Variants in RUNX1T1 observed in about 807,000 individuals in gnomAD.
RUNX1T1 encodes the protein protein CBFA2T1.
A neutral mutation model predicts 62.8 loss-of-function variants in RUNX1T1; 4 were observed. That is an observed-to-expected ratio of 0.06 (90% CI 0.03 to 0.15). The LOEUF is 0.15. RUNX1T1 is among the 10% of genes least tolerant of loss of function. The probability of loss-of-function intolerance (pLI) is 1.00; values close to 1 mark genes in which losing one functional copy is unlikely to be tolerated. For synonymous variants in RUNX1T1, 291 were observed against 286.0 expected (o/e 1.02, Z -0.18); for missense variants, 508 against 754.3 (o/e 0.67, Z 3.82).
intron 1 of RUNX1T1, among the ~76,000 whole-genome samples, chr8:92,096,433 C>T (rs910721658): frequency 1.3e-5 from 2 of 152,192 alleles, no homozygotes; most frequent in African/African-American, 2.4e-5. Context: ...CATCCCCCTC[C>T]CCAGCAGGGT....
intron 1 of RUNX1T1, among the ~76,000 whole-genome samples, chr8:92,039,469 G>T (rs370681381): frequency 6.6e-6 from 1 of 152,046 alleles, no homozygotes; most frequent in African/African-American, 2.4e-5. Flanking sequence ...TGGTGCCCTG[G>T]TATTCCCATA....
In RUNX1T1 at chr8:91,991,586, C is replaced by T. The variant is rs868449270; in HGVS notation, c.910+53G>A. ...CAAGTTAAGTTCAGAAATAATGGTG[C>T]AAGTCTTCAAGCACCCAATCCCGTA... is the stretch of plus-strand genomic sequence containing the variant. On this transcript the variant is annotated intron_variant, in intron 6 of 10. Transcript: ENST00000396218. 47 of 1,553,736 alleles carry T rather than the reference C, an allele frequency of 3.0e-5. No individual in the cohort carries two copies. The Middle Eastern group carries it at 3.3e-3, about 108-fold the overall frequency.
At chr8:92,068,820 T>G (rs1247683507) in intron 2 of RUNX1T1, among the ~76,000 whole-genome samples, 1 of 152,176 alleles carries the variant, frequency 6.6e-6, no homozygotes, top group Non-Finnish European at 1.5e-5. Context: ...TTACCACCGC[T>G]ATGAACAACC....
chr8:91,979,379 A>C (rs1814692501), intron 8 of RUNX1T1, among the ~76,000 whole-genome samples: 1 of 152,184 alleles, frequency 6.6e-6, no homozygotes. Context: ...GATTCAAAAG[A>C]AGCTAATTCT....
chr8:91,954,971 A>G (rs1017221042), downstream of RUNX1T1: 36 of 190,346 alleles, frequency 1.9e-4, no homozygotes, highest in Middle Eastern at 1.8e-3. Context: ...CAAGGACATG[A>G]TTAGGCAAAC....
At chr8:92,022,380 C>T (rs1476611727) in intron 1 of RUNX1T1, among the ~76,000 whole-genome samples, 1 of 152,128 alleles carries the variant, frequency 6.6e-6, no homozygotes, top group Non-Finnish European at 1.5e-5. Context: ...GACGTCTCAC[C>T]TCATGTCTTA....
intron 1 of RUNX1T1, among the ~76,000 whole-genome samples, chr8:92,027,708 A>T (rs1401973991): frequency 6.6e-6 from 1 of 152,128 alleles, no homozygotes; most frequent in Non-Finnish European, 1.5e-5. Context: ...CTGGCCCAGA[A>T]TCAGAGATGA....
intron 2 of RUNX1T1, chr8:92,071,243 A>G (rs768533125): frequency 1.3e-5 from 2 of 152,174 alleles, no homozygotes; most frequent in Admixed American, 6.5e-5. Context: ...AAAGTGGACT[A>G]TTCTATTTTC....
chr8:92,043,062 T>C (rs986129431), intron 1 of RUNX1T1, among the ~76,000 whole-genome samples: 5 of 152,176 alleles, frequency 3.3e-5, no homozygotes, highest in African/African-American at 4.8e-5. Context: ...CTCATTTCTC[T>C]CACATGAAGG....
chr8:91,997,661 C>T (rs529591973), intron 5 of RUNX1T1, among the ~76,000 whole-genome samples: 1 of 152,130 alleles, frequency 6.6e-6, no homozygotes, highest in Non-Finnish European at 1.5e-5. Context: ...TTGCTGATCT[C>T]AAGCATCTCT....
intron 1 of RUNX1T1, among the ~76,000 whole-genome samples, chr8:92,085,525 G>T (rs1835963634): frequency 6.6e-6 from 1 of 152,098 alleles, no homozygotes; most frequent in Non-Finnish European, 1.5e-5. Context: ...CTTTAAAAAA[G>T]ATTGATTTCT....
intron 1 of RUNX1T1, among the ~76,000 whole-genome samples, chr8:92,061,776 C>CT (rs1832073849): frequency 1.3e-5 from 2 of 152,214 alleles, no homozygotes; most frequent in Admixed American, 6.5e-5. Flanking sequence ...TCTGCCCTGT[C>CT]TTTTTTATCT....
intron 5 of RUNX1T1, among the ~76,000 whole-genome samples, chr8:91,993,097 C>G (rs1003571671): frequency 2.6e-5 from 4 of 152,156 alleles, no homozygotes; most frequent in South Asian, 2.1e-4. Flanking sequence ...CATAAGAATT[C>G]TACCAGTTCA....
At chr8:92,095,103 C>A (rs1410345800) in intron 1 of RUNX1T1, 1 of 1,535,582 alleles carries the variant, frequency 6.5e-7, no homozygotes, top group Admixed American at 2.0e-5. Context: ...TCCTCCTCAC[C>A]CCACACAACA....
chr8:92,073,550 C>CT (rs772994478), intron 2 of RUNX1T1, among the ~76,000 whole-genome samples: 1 of 152,144 alleles, frequency 6.6e-6, no homozygotes, highest in Non-Finnish European at 1.5e-5. Context: ...CTCCAAAACT[C>CT]TAAGAGCCCA....
At chr8:91,984,003 G>T (rs1586819162) in intron 8 of RUNX1T1, among the ~76,000 whole-genome samples, 1 of 152,132 alleles carries the variant, frequency 6.6e-6, no homozygotes, top group Non-Finnish European at 1.5e-5. Context: ...AGGATTCTGT[G>T]ACAATAAAGA....
At chr8:92,087,144 G>C (rs1265190522) in intron 1 of RUNX1T1, among the ~76,000 whole-genome samples, 1 of 152,060 alleles carries the variant, frequency 6.6e-6, no homozygotes, top group Non-Finnish European at 1.5e-5. Flanking sequence ...ATGGTGGTTA[G>C]GGGATGGAAG....
chr8:92,070,573 T>TGGA (rs1263088648), intron 2 of RUNX1T1, among the ~76,000 whole-genome samples: 9 of 151,560 alleles, frequency 5.9e-5, no homozygotes, highest in African/African-American at 2.2e-4. Context: ...TATGTTTTAC[T>TGGA]GGAGTGGTAA....
chr8:91,960,987 AAATAT>A (rs765378949), intron 10 of RUNX1T1, among the ~76,000 whole-genome samples: 10 of 152,346 alleles, frequency 6.6e-5, no homozygotes, highest in Admixed American at 1.3e-4. Flanking sequence ...GGATTCAAAT[AAATAT>A]AATAGAGTAG....
Sources: gnomAD v4.1 joint callset for allele counts (sites outside exome capture counted in the v4.1 genomes callset) on GRCh38, gnomAD v4.1.1 for gene constraint, MANE v1.5 for transcripts, NCBI Gene and HGNC (gene_info 2026-07-23, HGNC 2026-07-21) for gene names.